Variants in PROX1 observed in about 807,000 individuals in gnomAD.
PROX1 encodes the protein prospero homeobox 1, also known as prospero homeobox protein 1.
In PROX1, 7 loss-of-function variants were observed where a neutral mutation model predicts 58.8. That is an observed-to-expected ratio of 0.12 (90% CI 0.07 to 0.22). The LOEUF (loss-of-function observed/expected upper bound fraction) is 0.22, where lower values mean the gene tolerates loss of function less well. Among genes scored for constraint, PROX1 ranks in the 10% least tolerant of loss-of-function variants. The probability of loss-of-function intolerance (pLI) is 1.00; values close to 1 mark genes in which losing one functional copy is unlikely to be tolerated. For synonymous variants in PROX1, 350 were observed against 358.3 expected (o/e 0.98, Z 0.26); for missense variants, 675 against 927.8 (o/e 0.73, Z 3.54).
chr1:213,997,777 C>T lies in PROX1; in HGVS notation c.1242C>T (p.Asp414=), dbSNP rs370313551. 1.5e-5 allele frequency: 25 copies of T among 1,614,124 alleles called. No homozygotes were observed. Among genetic ancestry groups the T allele is most frequent in the Non-Finnish European group, 1.9e-5 (23 of 1,180,052 alleles). ...ACCAGCGCCTGCAGTGCTTTGGCGA[C>T]GTCATCATTCCGAACCCCCTGGACA... ...TANQRLQCFG[D]VIIPNPLDTF... Residue 414 remains aspartate, a synonymous_variant, in exon 2 of 5, where the codon GAC becomes GAT. Coordinates refer to ENST00000366958, the MANE Select transcript of PROX1 (RefSeq NM_001270616.2). This position sits in a 1 kb window ranked among gnomAD's most constrained non-coding sequence, Gnocchi z 7.1.
At chr1:214,032,006 A>G (rs1178705134) in intron 4 of PROX1, among the ~76,000 whole-genome samples, 1 of 152,204 alleles carries the variant, frequency 6.6e-6, no homozygotes, top group East Asian at 1.9e-4. Flanking sequence ...ACCTCAAAGT[A>G]AGCACTATAT....
chr1:214,025,539 T>G (rs755885350), intron 4 of PROX1, among the ~76,000 whole-genome samples: 1 of 152,198 alleles, frequency 6.6e-6, no homozygotes, highest in Non-Finnish European at 1.5e-5. Flanking sequence ...AGAGCCTATG[T>G]ATTTATTACC....
rs188185945 is a variant in PROX1, at chr1:214,016,757, G to T, written c.2028+5042G>T. 2.3e-3 allele frequency among the ~76,000 whole-genome samples: 355 copies of T among 152,290 alleles called. 1 individual carries two copies. The highest frequency in any genetic ancestry group is 3.8e-3 in the Non-Finnish European group (257 of 68,024). The stretch of plus-strand genomic sequence containing the variant: ...TTGGAAGTGGGGTTGAAGGGCTAGG[G>T]GGTGGAGTGGAGGTAGAATTCTATG... On this transcript the variant is annotated intron_variant, in intron 4 of 4. Transcript: ENST00000366958.
intron 2 of PROX1, among the ~76,000 whole-genome samples, chr1:214,003,304 GA>G (rs1396035342): frequency 6.6e-6 from 1 of 152,180 alleles, no homozygotes. Context: ...GAAAAGATTA[GA>G]ACCCAGATCT....
rs891806204 is a variant in PROX1, at chr1:214,038,852, T to C, written c.*3018T>C. Reference sequence around the variant, plus strand: ...GTCTTTTTAAAACAAAGCGGGAGAATACGTTTTTGAAGAAGAGAATTTTTA... The same window carrying C: ...GTCTTTTTAAAACAAAGCGGGAGAACACGTTTTTGAAGAAGAGAATTTTTA... On this transcript the variant is annotated 3_prime_UTR_variant, in exon 5 of 5. Coordinates refer to ENST00000366958, the MANE Select transcript of PROX1 (RefSeq NM_001270616.2). The C allele has an allele frequency of 2.0e-5, 3 of 152,176 alleles. No homozygotes were observed. Among genetic ancestry groups the C allele is most frequent in the African/African-American group, 4.8e-5 (2 of 41,442 alleles). The allele number at this position is 152,176 out of a possible 1,614,324, so 9.4% of individuals were successfully genotyped here. A position where few individuals can be genotyped will look rare whatever the true frequency, so the allele number is the denominator to read the frequency against.
At chr1:214,016,839 G>A (rs994642629) in intron 4 of PROX1, among the ~76,000 whole-genome samples, 3 of 152,106 alleles carry the variant, frequency 2.0e-5, no homozygotes, top group African/African-American at 7.2e-5. Flanking sequence ...GTGTTCATCA[G>A]TATAATGAAG....
At chr1:213,996,104 C>T (rs1226487313) in intron 1 of PROX1, among the ~76,000 whole-genome samples, 6 of 152,058 alleles carry the variant, frequency 3.9e-5, no homozygotes, top group African/African-American at 1.2e-4. Context: ...TTTCATCTTC[C>T]TTATAATATG....
intron 4 of PROX1, among the ~76,000 whole-genome samples, chr1:214,033,496 G>A (rs891304286): frequency 2.6e-5 from 4 of 152,184 alleles, no homozygotes; most frequent in African/African-American, 9.6e-5. Flanking sequence ...TACTCAGGAG[G>A]CTAAGGCAGG....
chr1:213,996,459 T>C lies in PROX1; in HGVS notation c.-67-10T>C. 6 of 1,496,174 alleles carry C rather than the reference T, an allele frequency of 4.0e-6. No homozygotes were observed. Among genetic ancestry groups the C allele is most frequent in the Non-Finnish European group, 5.4e-6 (6 of 1,114,322 alleles). The allele number at this position is 1,496,174 out of a possible 1,614,324, so 92.7% of individuals were successfully genotyped here. A position where few individuals can be genotyped will look rare whatever the true frequency, so the allele number is the denominator to read the frequency against. On this transcript the variant is annotated splice_polypyrimidine_tract_variant and intron_variant, in intron 1 of 4. Transcript: ENST00000366958. Reference sequence around the variant, plus strand: ...AAATGATTCATCAGTCCTTTTGTTCTGTTGGCCAGGGTCCCGGGATTCTTG... The same window carrying C: ...AAATGATTCATCAGTCCTTTTGTTCCGTTGGCCAGGGTCCCGGGATTCTTG...
At chr1:214,016,508 C>T (rs930969473) in intron 4 of PROX1, among the ~76,000 whole-genome samples, 1 of 151,880 alleles carries the variant, frequency 6.6e-6, no homozygotes, top group African/African-American at 2.4e-5. Context: ...GCTGCTGAGC[C>T]GTTTAAATAA....
Position 214,039,167 on chromosome 1 carries a change from T to G in PROX1, c.*3333T>G, listed in dbSNP as rs1330741895. 1 of 152,186 alleles carries G rather than the reference T, an allele frequency of 6.6e-6. No homozygotes were observed. The highest frequency in any genetic ancestry group is 2.4e-5 in the African/African-American group (1 of 41,456). 9.4% of individuals were successfully genotyped at this position (152,186 alleles called of 1,614,324 possible). On this transcript the variant is annotated 3_prime_UTR_variant, in exon 5 of 5. Transcript: ENST00000366958. ...CTTTTCCTATCTAGATTTAAGAACC[T>G]ATTTTAGACATTTGTTATGTTTTGT...
At position 214,038,204 on chromosome 1, in the gene PROX1, A is replaced by G. The variant is rs183187936; in HGVS notation, c.*2370A>G. 40 of 152,342 alleles carry G rather than the reference A, an allele frequency of 2.6e-4. No individual in the cohort carries two copies. The highest frequency in any genetic ancestry group is 9.4e-4 in the African/African-American group (39 of 41,570). The allele number at this position is 152,342 out of a possible 1,614,324, so 9.4% of individuals were successfully genotyped here. The stretch of plus-strand genomic sequence containing the variant: ...GATAATATCCTCTCAATGTTCACTG[A>G]GGCATAGAAATTATTTCAGAGTAGA... On this transcript the variant is annotated 3_prime_UTR_variant, in exon 5 of 5. Coordinates refer to ENST00000366958, the MANE Select transcript of PROX1 (RefSeq NM_001270616.2).
intron 4 of PROX1, among the ~76,000 whole-genome samples, chr1:214,032,023 A>T (rs1178405918): frequency 1.3e-5 from 2 of 152,180 alleles, no homozygotes; most frequent in African/African-American, 4.8e-5. Context: ...ATATTAACTA[A>T]TCATTTTATT....
At position 213,996,578 on chromosome 1, in the gene PROX1, A is replaced by G; in HGVS notation, c.43A>G (p.Lys15Glu). ...CACAGCCCTCTTAAGCCGGCAAACC[A>G]AGAGGAGAAGAGTTGACATTGGAGT... ...DSTALLSRQT[K>E]RRRVDIGVKR... Residue 15 changes from lysine to glutamate, a missense_variant, in exon 2 of 5, where the codon AAG (lysine) becomes GAG (glutamate). Transcript: ENST00000366958. 1 of 1,614,158 alleles carries G rather than the reference A, an allele frequency of 6.2e-7. No homozygotes were observed. Among genetic ancestry groups the G allele is most frequent in the Non-Finnish European group, 8.5e-7 (1 of 1,180,016 alleles).
At chr1:214,001,901 A>G (rs920280960) in intron 2 of PROX1, among the ~76,000 whole-genome samples, 1 of 151,924 alleles carries the variant, frequency 6.6e-6, no homozygotes, top group Admixed American at 6.6e-5. Flanking sequence ...CAGCCCTCCG[A>G]TTATGGTGAA....
At chr1:213,989,718 G>A (rs1166851572) in intron 1 of PROX1, 1 of 152,648 alleles carries the variant, frequency 6.6e-6, no homozygotes, top group South Asian at 2.1e-4. Context: ...GTGCCAGCCC[G>A]TTACTCCCCC....
At chr1:214,010,849 C>T (rs1210273004) in intron 3 of PROX1, among the ~76,000 whole-genome samples, 2 of 152,154 alleles carry the variant, frequency 1.3e-5, no homozygotes, top group Non-Finnish European at 2.9e-5. Context: ...GGGAGGGGGA[C>T]ATGGGTCTTA....
chr1:214,009,177 C>T (rs2102725777), intron 3 of PROX1, among the ~76,000 whole-genome samples: 1 of 152,300 alleles, frequency 6.6e-6, no homozygotes, highest in Middle Eastern at 3.4e-3. Context: ...TTGTTTTATA[C>T]ATCTTTTGAC....
Position 214,005,222 on chromosome 1 carries a change from A to G in PROX1, c.1783A>G (p.Thr595Ala). The G allele has an allele frequency of 1.2e-6, 2 of 1,613,976 alleles. No individual in the cohort carries two copies. Among genetic ancestry groups the G allele is most frequent in the South Asian group, 1.1e-5 (1 of 91,064 alleles). Residue 595 changes from threonine to alanine, a missense_variant, in exon 3 of 5, where the codon ACC becomes GCC. Thr to Ala is a moderately conservative substitution (Grantham distance 58). This residue lies in a region of PROX1 where 39 missense variants were observed against 73.4 expected (regional missense o/e 0.53). Coordinates refer to ENST00000366958, the MANE Select transcript of PROX1 (RefSeq NM_001270616.2). ...AAAAGCAAAGCTCATGTTTTTTTAT[A>G]CCCGTTATCCCAGCTCCAATATGCT... is the stretch of plus-strand genomic sequence containing the variant. ...LKKAKLMFFYTRYPSSNMLKT... is the reference protein window; with the variant it reads ...LKKAKLMFFYARYPSSNMLKT...
Sources: gnomAD v4.1 joint callset for allele counts (sites outside exome capture counted in the v4.1 genomes callset) on GRCh38, gnomAD v4.1.1 for gene constraint, gnomAD v4.1.1 regional missense constraint, Gnocchi (gnomAD v3.1) non-coding constraint, MANE v1.5 for transcripts, NCBI Gene and HGNC (gene_info 2026-07-23, HGNC 2026-07-21) for gene names.